Variants in ZNF469 observed in about 807,000 individuals in gnomAD.
ZNF469 encodes the protein zinc finger protein 469.
In ZNF469, 1 loss-of-function variant was observed where a neutral mutation model predicts 1.0. The ratio of observed to expected loss-of-function variants is 1.00; its 90% CI spans 0.35 to 4.73. The LOEUF (loss-of-function observed/expected upper bound fraction) is 4.73. Among genes scored for constraint, ZNF469 ranks in the 30% most tolerant of loss-of-function variants. The probability of loss-of-function intolerance (pLI) is 0.16; values close to 1 mark genes in which losing one functional copy is unlikely to be tolerated. For missense variants in ZNF469, 6,100 were observed against 5,356.3 expected (o/e 1.14, Z -4.33); for synonymous variants, 2,703 against 2,363.4 (o/e 1.14, Z -4.17).
At chr16:88,249,063 CTT>C in the ZNF469 span, among the ~76,000 whole-genome samples, 4 of 152,106 alleles carry the variant, frequency 2.6e-5, no homozygotes, top group African/African-American at 9.7e-5. Context: ...TCTATGCGCT[CTT>C]TTTAACCCCA....
At chr16:88,382,242 G>C (rs2092527199), upstream of ZNF469, among the ~76,000 whole-genome samples, 1 of 151,856 alleles carries the variant, frequency 6.6e-6, no homozygotes, top group South Asian at 2.1e-4. Context: ...GCTCTGCCTG[G>C]AGCCATCTCC....
the ZNF469 span, among the ~76,000 whole-genome samples, chr16:88,202,762 C>G: frequency 6.6e-6 from 1 of 152,146 alleles, no homozygotes; most frequent in Non-Finnish European, 1.5e-5. Context: ...TCTCTCGAGT[C>G]TGCTCTGGGT....
the ZNF469 span, among the ~76,000 whole-genome samples, chr16:88,173,699 AG>A: frequency 1.3e-5 from 2 of 152,194 alleles, no homozygotes; most frequent in South Asian, 4.1e-4. Context: ...ACAAAGAATG[AG>A]GGTTGGGGGA....
chr16:88,228,643 A>G, the ZNF469 span, among the ~76,000 whole-genome samples: 1 of 152,186 alleles, frequency 6.6e-6, no homozygotes, highest in Non-Finnish European at 1.5e-5. Context: ...AGAAATTTGG[A>G]AAACACATAA....
chr16:88,180,497 C>T, the ZNF469 span, among the ~76,000 whole-genome samples: 5 of 152,074 alleles, frequency 3.3e-5, no homozygotes, highest in African/African-American at 4.8e-5. Context: ...TCTGGCCAGG[C>T]GCGGTGGCTC....
At chr16:88,358,323 C>T in the ZNF469 span, among the ~76,000 whole-genome samples, 32 of 152,346 alleles carry the variant, frequency 2.1e-4, no homozygotes, top group African/African-American at 7.0e-4. Context: ...CTGGTCTTCC[C>T]ACCCGGCCTC....
At chr16:88,337,685 C>T in the ZNF469 span, among the ~76,000 whole-genome samples, 1 of 152,174 alleles carries the variant, frequency 6.6e-6, no homozygotes, top group African/African-American at 2.4e-5. Context: ...CATCACTGCA[C>T]ATCTTTAGTT....
chr16:88,161,306 C>T, the ZNF469 span, among the ~76,000 whole-genome samples: 2 of 151,984 alleles, frequency 1.3e-5, no homozygotes, highest in Non-Finnish European at 2.9e-5. Context: ...ATCTGTGGGG[C>T]GGAAATATTC....
chr16:88,381,724 A>T (rs1044763101), upstream of ZNF469, among the ~76,000 whole-genome samples: 1 of 152,226 alleles, frequency 6.6e-6, no homozygotes, highest in Admixed American at 6.5e-5. Flanking sequence ...CCCTTTTTCA[A>T]TTCACGTTTT....
At chr16:88,422,134 T>G in intron 1 of ZNF469, among the ~76,000 whole-genome samples, 1 of 138,984 alleles carries the variant, frequency 7.2e-6, no homozygotes, top group African/African-American at 2.8e-5. Flanking sequence ...GATGGGTGAG[T>G]GATGGGTGAA....
At chr16:88,325,298 C>CG in the ZNF469 span, among the ~76,000 whole-genome samples, 2 of 150,084 alleles carry the variant, frequency 1.3e-5, no homozygotes, top group Non-Finnish European at 3.0e-5. Context: ...AGGTGCACCC[C>CG]GGGGGGCCGC....
At chr16:88,307,872 A>G in the ZNF469 span, among the ~76,000 whole-genome samples, 4 of 152,140 alleles carry the variant, frequency 2.6e-5, no homozygotes, top group Non-Finnish European at 4.4e-5. Flanking sequence ...ACTTTTTGTC[A>G]TTTGTGCTTT....
Position 88,429,493 on chromosome 16 carries a change from G to A in ZNF469, c.2023G>A (p.Gly675Arg). The change falls in exon 3 of 3, where the codon GGG becomes AGG. Residue 675 changes from glycine (G) to arginine (R), a missense_variant. By Grantham distance (125) the Gly-to-Arg change is moderately radical. Coordinates refer to ENST00000565624, the MANE Select transcript of ZNF469 (RefSeq NM_001367624.2). ...CAAGGCCTTCCCTTTTCCCGCAGAT[G>A]GGCTGGGAGCCGAGGGTGCCTTCCA... ...PAKAFPFPAD[G>R]LGAEGAFQCL... is the part of the protein sequence containing the mutation. 1 of 1,539,442 alleles carries A rather than the reference G, an allele frequency of 6.5e-7. No individual in the cohort carries two copies. Among genetic ancestry groups the A allele is most frequent in the African/African-American group, 1.4e-5 (1 of 72,324 alleles).
At chr16:88,380,029 G>A (rs973455514), upstream of ZNF469, among the ~76,000 whole-genome samples, 3 of 152,098 alleles carry the variant, frequency 2.0e-5, no homozygotes, top group Admixed American at 6.5e-5. Flanking sequence ...GAACTTGTGT[G>A]CATGCATACA....
At chr16:88,397,066 T>C (rs62048991) in intron 1 of ZNF469, among the ~76,000 whole-genome samples, 38,139 of 132,180 alleles carry the variant, frequency 0.29, 5,272 homozygotes, top group African/African-American at 0.42. Flanking sequence ...AGGAGACCCT[T>C]CTGAAGGGAG....
At chr16:88,176,028 A>T in the ZNF469 span, among the ~76,000 whole-genome samples, 1 of 152,190 alleles carries the variant, frequency 6.6e-6, no homozygotes, top group Non-Finnish European at 1.5e-5. Context: ...AAGCTGACTC[A>T]AACACAGGCC....
the ZNF469 span, among the ~76,000 whole-genome samples, chr16:88,308,574 C>T: frequency 1.3e-5 from 2 of 152,190 alleles, no homozygotes; most frequent in East Asian, 3.9e-4. Context: ...AGTCCTCTCC[C>T]ACTAGAGCCC....
chr16:88,219,893 C>T, the ZNF469 span, among the ~76,000 whole-genome samples: 11 of 152,282 alleles, frequency 7.2e-5, no homozygotes, highest in African/African-American at 2.6e-4. Flanking sequence ...GGTTCTCAGC[C>T]TCCTGCCTGT....
the ZNF469 span, among the ~76,000 whole-genome samples, chr16:88,300,522 G>C: frequency 1.3e-5 from 2 of 151,240 alleles, no homozygotes; most frequent in African/African-American, 4.9e-5. Flanking sequence ...TCCTAAGCCA[G>C]AAACCCACCA....
Sources: gnomAD v4.1 joint callset for allele counts (sites outside exome capture counted in the v4.1 genomes callset) on GRCh38, gnomAD v4.1.1 for gene constraint, MANE v1.5 for transcripts, NCBI Gene and HGNC (gene_info 2026-07-23, HGNC 2026-07-21) for gene names.